Variants in RBFOX1 observed in about 807,000 individuals in gnomAD.
RBFOX1 encodes the protein RNA binding fox-1 homolog 1.
Under a neutral mutation model 57.7 loss-of-function variants are expected in RBFOX1, and 8 were observed. The observed-to-expected ratio is 0.14, with a 90% CI of 0.08 to 0.25. RBFOX1 has a LOEUF of 0.25. Ranked by LOEUF, RBFOX1 falls within the 10% of genes least tolerant of loss-of-function variation. The pLI is 1.00. For synonymous variants in RBFOX1, 326 were observed against 222.4 expected (o/e 1.47, Z -4.15); for missense variants, 611 against 548.5 (o/e 1.11, Z -1.14).
At chr16:5,984,820 C>T (rs920763416) in intron 4 of RBFOX1, among the ~76,000 whole-genome samples, 3 of 151,692 alleles carry the variant, frequency 2.0e-5, no homozygotes, top group African/African-American at 7.3e-5. Flanking sequence ...TGGCGTTTTT[C>T]TGTACTGAAT....
chr16:6,604,038 G>C (rs939627282), intron 2 of RBFOX1, among the ~76,000 whole-genome samples: 28 of 152,060 alleles, frequency 1.8e-4, no homozygotes, highest in Non-Finnish European at 7.4e-5. Context: ...CCTTTGGTCT[G>C]CTGGGGACTT....
intron 4 of RBFOX1, among the ~76,000 whole-genome samples, chr16:7,443,205 C>CT (rs945729557): frequency 4.0e-5 from 6 of 151,852 alleles, no homozygotes; most frequent in African/African-American, 4.8e-5. Flanking sequence ...GTACTACCAC[C>CT]TTTTTTTTAA....
intron 1 of RBFOX1, among the ~76,000 whole-genome samples, chr16:5,250,515 A>G (rs2062424677): frequency 6.6e-6 from 1 of 152,206 alleles, no homozygotes; most frequent in African/African-American, 2.4e-5. Flanking sequence ...GAGTGAGAAC[A>G]CACAGTGTTT....
chr16:7,421,406 A>G (rs959377813), intron 4 of RBFOX1, among the ~76,000 whole-genome samples: 44 of 152,200 alleles, frequency 2.9e-4, no homozygotes, highest in Middle Eastern at 3.2e-3. Flanking sequence ...AGGACTGTTT[A>G]TATTCAGGCA....
intron 14 of RBFOX1, among the ~76,000 whole-genome samples, chr16:7,699,873 T>C (rs988980787): frequency 6.6e-6 from 1 of 152,150 alleles, no homozygotes; most frequent in South Asian, 2.1e-4. Flanking sequence ...TGAAAGAGTT[T>C]GTGTGTCCCC....
chr16:6,912,477 T>G (rs2071898621), intron 3 of RBFOX1, among the ~76,000 whole-genome samples: 2 of 152,192 alleles, frequency 1.3e-5, no homozygotes, highest in Non-Finnish European at 2.9e-5. Flanking sequence ...GCGGCTCAGA[T>G]AGATCAGATT....
intron 3 of RBFOX1, among the ~76,000 whole-genome samples, chr16:6,859,174 T>TATATAC (rs778753196): frequency 6.1e-5 from 4 of 65,080 alleles, no homozygotes; most frequent in African/African-American, 2.6e-4. Flanking sequence ...CGTATATATA[T>TATATAC]GTATATATAT....
chr16:5,595,347 C>T (rs1596376980), intron 2 of RBFOX1, among the ~76,000 whole-genome samples: 3 of 152,160 alleles, frequency 2.0e-5, no homozygotes, highest in Admixed American at 6.5e-5. Flanking sequence ...TGGCTAAATC[C>T]TTGCTGCTGG....
At chr16:6,913,322 G>A (rs2072198914) in intron 3 of RBFOX1, among the ~76,000 whole-genome samples, 1 of 151,986 alleles carries the variant, frequency 6.6e-6, no homozygotes, top group Non-Finnish European at 1.5e-5. Flanking sequence ...GATTCAACTG[G>A]GGATAAGGAG....
chr16:6,366,763 C>T (rs1380583386), intron 2 of RBFOX1, among the ~76,000 whole-genome samples: 1 of 152,174 alleles, frequency 6.6e-6, no homozygotes, highest in Non-Finnish European at 1.5e-5. Context: ...TGACATGCTC[C>T]AGGTTGCAGA....
In RBFOX1 at chr16:7,325,157, A is replaced by G. The variant is rs74535923; in HGVS notation, c.28-192990A>G. Among the ~76,000 whole-genome samples, 156 of 152,322 alleles carry G rather than the reference A, an allele frequency of 1.0e-3. 4 individuals carry two copies. In the East Asian group the frequency reaches 0.029, roughly 28 times the overall value. On this transcript the variant is annotated intron_variant, in intron 4 of 15. Coordinates refer to ENST00000550418, the MANE Select transcript of RBFOX1 (RefSeq NM_018723.4). ...TGCTAATTCTGTTGTCACTATGACA[A>G]CTATCAACAGCCATTTACTGAGTGT...
At chr16:5,978,205 T>G (rs1296955364) in intron 4 of RBFOX1, among the ~76,000 whole-genome samples, 3 of 130,128 alleles carry the variant, frequency 2.3e-5, no homozygotes, top group African/African-American at 5.7e-5. Context: ...TCCCAAATAC[T>G]CAGGAGGCTG....
rs202226687 is a variant in RBFOX1 at position 6,685,273 on chromosome 16, C to CTTTTTT, written c.-16+30638_-16+30643dup. On this transcript the variant is annotated intron_variant, in intron 3 of 15. Coordinates refer to ENST00000550418, the MANE Select transcript of RBFOX1 (RefSeq NM_018723.4). ...GTGTACTAAGAGAGGGAGAGTTTTT[C>CTTTTTT]TTTTTTTTTTTTTTTTTTTTGAGAT... Among the ~76,000 whole-genome samples the CTTTTTT allele has an allele frequency of 6.7e-4, 75 of 111,588 alleles. 6 individuals carry two copies. The highest frequency in any genetic ancestry group is 2.5e-3 in the African/African-American group (68 of 27,644). The allele number at this position is 111,588 out of a possible 152,430, so 73.2% of individuals were successfully genotyped here.
intron 3 of RBFOX1, among the ~76,000 whole-genome samples, chr16:6,849,706 A>G (rs528962931): frequency 3.4e-4 from 52 of 152,150 alleles, no homozygotes; most frequent in East Asian, 5.8e-4. Flanking sequence ...AAAACTGAAA[A>G]GTCCATCTGC....
intron 1 of RBFOX1, among the ~76,000 whole-genome samples, chr16:6,279,610 C>T (rs2076177108): frequency 6.6e-6 from 1 of 152,172 alleles, no homozygotes; most frequent in African/African-American, 2.4e-5. Context: ...AGAAGGAACA[C>T]TGAGACTGTC....
At chr16:5,492,651 G>T (rs2042871186) in intron 2 of RBFOX1, among the ~76,000 whole-genome samples, 1 of 152,164 alleles carries the variant, frequency 6.6e-6, no homozygotes. Context: ...TCGTTTGGAT[G>T]AAATGACATC....
rs182587827 is a variant in RBFOX1 at position 6,639,647 on chromosome 16, C to A, written c.-63-14956C>A. ...ATCCCAGCACTTTGGGAGGCCGAGGCGGGCGGATCACGACGTCAGGAGATT... is the reference window on the plus strand; with the variant it reads ...ATCCCAGCACTTTGGGAGGCCGAGGAGGGCGGATCACGACGTCAGGAGATT... On this transcript the variant is annotated intron_variant, in intron 2 of 15. Coordinates refer to ENST00000550418, the MANE Select transcript of RBFOX1 (RefSeq NM_018723.4). Among the ~76,000 whole-genome samples, 308 of 152,152 alleles carry A rather than the reference C, an allele frequency of 2.0e-3. 4 individuals carry two copies. The highest frequency in any genetic ancestry group is 3.4e-3 in the Middle Eastern group (1 of 294).
intron 2 of RBFOX1, among the ~76,000 whole-genome samples, chr16:5,534,515 A>T (rs763688141): frequency 6.6e-6 from 1 of 152,186 alleles, no homozygotes; most frequent in Non-Finnish European, 1.5e-5. Context: ...TCAAAAGGTC[A>T]TTGAAGAACC....
chr16:5,411,431 A>G (rs2067019103), intron 1 of RBFOX1, among the ~76,000 whole-genome samples: 1 of 152,164 alleles, frequency 6.6e-6, no homozygotes, highest in African/African-American at 2.4e-5. Context: ...GAAGTCGGAA[A>G]TGGCAAGGGA....
Sources: gnomAD v4.1 joint callset for allele counts (sites outside exome capture counted in the v4.1 genomes callset) on GRCh38, gnomAD v4.1.1 for gene constraint, MANE v1.5 for transcripts, NCBI Gene and HGNC (gene_info 2026-07-23, HGNC 2026-07-21) for gene names.